The following CACNB2 variants were observed in gnomAD, a reference collection of about 807,000 sequenced individuals.
The protein encoded by CACNB2 is voltage-dependent L-type calcium channel subunit beta-2.
Under a neutral mutation model 73.3 loss-of-function variants are expected in CACNB2, and 42 were observed. The ratio of observed to expected loss-of-function variants is 0.57; its 90% CI spans 0.45 to 0.74. The LOEUF (loss-of-function observed/expected upper bound fraction) is 0.74, where lower values mean the gene tolerates loss of function less well. Ranked by LOEUF, CACNB2 falls within the 30% of genes least tolerant of loss-of-function variation. CACNB2 has a pLI of 0.00. For missense variants in CACNB2, 940 were observed against 853.0 expected (o/e 1.10, Z -1.27); for synonymous variants, 348 against 310.3 (o/e 1.12, Z -1.28).
intron 3 of CACNB2, among the ~76,000 whole-genome samples, chr10:18,457,456 T>C (rs934422916): frequency 1.3e-5 from 2 of 152,190 alleles, no homozygotes; most frequent in Admixed American, 1.3e-4. Flanking sequence ...CACCTTAGAC[T>C]GTATAGCATA....
chr10:18,430,913 TTGGGTC>T (rs1449832042), intron 3 of CACNB2, among the ~76,000 whole-genome samples: 1 of 152,194 alleles, frequency 6.6e-6, no homozygotes, highest in Non-Finnish European at 1.5e-5. Context: ...TCATTTATAT[TTGGGTC>T]TGGTCAGATG....
rs193037081 is a variant in CACNB2 at position 18,408,793 on chromosome 10, A to G, written c.333+6750A>G. Among the ~76,000 whole-genome samples, 314 of 152,300 alleles carry G rather than the reference A, an allele frequency of 2.1e-3. 1 individual carries two copies. The highest frequency in any genetic ancestry group is 3.7e-3 in the Non-Finnish European group (251 of 68,010). ...AGGTTCTTTAGGGATGAGATTATGG[A>G]CGCAAATTTTTTCTTCAAGGGAAGA... is the stretch of plus-strand genomic sequence containing the variant. On this transcript the variant is annotated intron_variant, in intron 3 of 13. Coordinates refer to ENST00000324631, the MANE Select transcript of CACNB2 (RefSeq NM_201596.3).
Position 18,539,237 on chromosome 10 carries a change from A to C in CACNB2, c.1496A>C (p.Gln499Pro), listed in dbSNP as rs1185344074. The stretch of plus-strand genomic sequence containing the variant: ...TGCTCCTTTCGCTGCCAGGGTTCTC[A>C]AGGTGATCAGAGGACTGATCGCTCC... ...PTLASNSQGSQGDQRTDRSAP... is the reference protein window; with the variant it reads ...PTLASNSQGSPGDQRTDRSAP... The change falls in exon 14 of 14, where the codon CAA becomes CCA. Residue 499 changes from glutamine (Q) to proline (P), a missense_variant. Gln to Pro is a moderately conservative substitution (Grantham distance 76, BLOSUM62 -1). Coordinates refer to ENST00000324631, the MANE Select transcript of CACNB2 (RefSeq NM_201596.3). The C allele has an allele frequency of 3.1e-6, 5 of 1,614,008 alleles. No homozygotes were observed. The highest frequency in any genetic ancestry group is 1.7e-4 in the Middle Eastern group (1 of 6,060).
At chr10:18,442,756 C>T (rs564945215) in intron 3 of CACNB2, among the ~76,000 whole-genome samples, 7 of 149,748 alleles carry the variant, frequency 4.7e-5, no homozygotes, top group Admixed American at 2.7e-4. Context: ...ACCAGGGCAT[C>T]GGAGGTTGCA....
intron 2 of CACNB2, among the ~76,000 whole-genome samples, chr10:18,339,789 T>C (rs1408926610): frequency 6.6e-6 from 1 of 152,210 alleles, no homozygotes; most frequent in African/African-American, 2.4e-5. Context: ...TGCCACAAAA[T>C]ACCATTCTGT....
At position 18,402,009 on chromosome 10, in the gene CACNB2, A is replaced by T. The variant is rs762313820; in HGVS notation, c.299A>T (p.Glu100Val). Residue 100 changes from glutamate (E) to valine (V), a missense_variant, in exon 3 of 14, where the codon GAG (glutamate) becomes GTG (valine). Physicochemically the swap from Glu to Val is moderately radical, Grantham distance 121. Transcript: ENST00000324631. ...EDREAVRREA[E>V]RQAQAQLEKA... ...CGGGAGGCAGTGCGCAGAGAAGCGG[A>T]GCGGCAGGCCCAGGCACAGTTGGAA... The T allele has an allele frequency of 1.2e-6, 2 of 1,614,124 alleles. No homozygotes were observed. The highest frequency in any genetic ancestry group is 1.1e-5 in the South Asian group (1 of 91,088).
chr10:18,534,724 A>G (rs1477511328), intron 11 of CACNB2, among the ~76,000 whole-genome samples: 1 of 152,232 alleles, frequency 6.6e-6, no homozygotes, highest in East Asian at 1.9e-4. Flanking sequence ...GACTTTTAAT[A>G]TTCAGTGTAC....
intron 5 of CACNB2, among the ~76,000 whole-genome samples, chr10:18,505,360 C>T (rs2050432447): frequency 6.6e-6 from 1 of 152,076 alleles, no homozygotes. Context: ...CACATACTGT[C>T]TGATGCCCTT....
chr10:18,282,462 G>T (rs532732761), intron 2 of CACNB2, among the ~76,000 whole-genome samples: 2 of 152,296 alleles, frequency 1.3e-5, no homozygotes, highest in South Asian at 2.1e-4. Flanking sequence ...CCTGGGAAAT[G>T]GTCAAAGCTG....
At chr10:18,235,828 T>G (rs1357020250) in intron 2 of CACNB2, among the ~76,000 whole-genome samples, 2 of 152,134 alleles carry the variant, frequency 1.3e-5, no homozygotes, top group African/African-American at 4.8e-5. Flanking sequence ...AAATCTCATG[T>G]GGGATTGTAA....
intron 3 of CACNB2, among the ~76,000 whole-genome samples, chr10:18,426,342 T>C (rs942004670): frequency 2.6e-5 from 4 of 152,232 alleles, no homozygotes; most frequent in African/African-American, 9.6e-5. Context: ...GATATGTTAA[T>C]TTTTTAGTTA....
chr10:18,146,520 C>T lies in CACNB2; in HGVS notation c.121-4363C>T, dbSNP rs558686663. Among the ~76,000 whole-genome samples the T allele has an allele frequency of 2.0e-5, 3 of 151,776 alleles. No homozygotes were observed. In the South Asian group the frequency reaches 6.3e-4, roughly 32 times the overall value. ...CGAGACAGAATCTCGCTCTGTCACT[C>T]AGGCTGGAGTGCAGTGGCGTGATCT... On this transcript the variant is annotated intron_variant, in intron 1 of 13. Transcript: ENST00000324631.
intron 9 of CACNB2, among the ~76,000 whole-genome samples, chr10:18,526,461 G>A (rs895661655): frequency 2.6e-5 from 4 of 152,200 alleles, no homozygotes; most frequent in South Asian, 2.1e-4. Flanking sequence ...GATATTGTGA[G>A]GGGGCAGTGG....
At chr10:18,442,564 C>T (rs537495062) in intron 3 of CACNB2, among the ~76,000 whole-genome samples, 152 of 151,840 alleles carry the variant, frequency 1.0e-3, no homozygotes, top group African/African-American at 2.9e-3. Context: ...CAGTGGCTCA[C>T]GCCTGTAATC....
intron 3 of CACNB2, among the ~76,000 whole-genome samples, chr10:18,415,300 A>G (rs1395193104): frequency 6.6e-6 from 1 of 152,098 alleles, no homozygotes; most frequent in Non-Finnish European, 1.5e-5. Flanking sequence ...TCTCATCTCT[A>G]CAAAAAATAA....
rs752911313 is a variant in CACNB2 at position 18,539,238 on chromosome 10, A to C, written c.1497A>C (p.Gln499His). The change falls in exon 14 of 14, where the codon CAA becomes CAC. Residue 499 changes from glutamine to histidine, a missense_variant. Coordinates refer to ENST00000324631, the MANE Select transcript of CACNB2 (RefSeq NM_201596.3). ...GCTCCTTTCGCTGCCAGGGTTCTCA[A>C]GGTGATCAGAGGACTGATCGCTCCG... ...PTLASNSQGS[Q>H]GDQRTDRSAP... is the part of the protein sequence containing the mutation. The C allele has an allele frequency of 6.2e-7, 1 of 1,614,032 alleles. No individual in the cohort carries two copies. The highest frequency in any genetic ancestry group is 1.1e-5 in the South Asian group (1 of 91,064).
At chr10:18,242,235 A>G (rs903768510) in intron 2 of CACNB2, among the ~76,000 whole-genome samples, 2 of 152,074 alleles carry the variant, frequency 1.3e-5, no homozygotes, top group Admixed American at 6.5e-5. Flanking sequence ...ATATAAAACA[A>G]TAGTGCAAAA....
intron 3 of CACNB2, among the ~76,000 whole-genome samples, chr10:18,477,215 AAAT>A (rs963762633): frequency 5.9e-5 from 9 of 152,188 alleles, no homozygotes; most frequent in African/African-American, 2.2e-4. Flanking sequence ...GCCTCATAAT[AAAT>A]AATAATAATA....
At chr10:18,371,198 G>A (rs879888030) in intron 2 of CACNB2, among the ~76,000 whole-genome samples, 5 of 139,296 alleles carry the variant, frequency 3.6e-5, no homozygotes, top group Non-Finnish European at 7.8e-5. Flanking sequence ...TAAGTTTACT[G>A]TTTTTATTTT....
Sources: gnomAD v4.1 joint callset for allele counts (sites outside exome capture counted in the v4.1 genomes callset) on GRCh38, gnomAD v4.1.1 for gene constraint, MANE v1.5 for transcripts, NCBI Gene and HGNC (gene_info 2026-07-23, HGNC 2026-07-21) for gene names.